KRT12: variants seen among roughly 807,000 people sequenced by gnomAD.
KRT12 encodes keratin 12, also known as keratin, type I cytoskeletal 12.
KRT12 carries 43 observed loss-of-function variants against 50.2 expected under a neutral mutation model. The observed-to-expected ratio is 0.86, with a 90% CI of 0.67 to 1.11. KRT12 has a LOEUF of 1.11. Ranked by LOEUF, KRT12 falls within the 50% of genes least tolerant of loss-of-function variation. KRT12 has a pLI of 0.00. For missense variants in KRT12, 588 were observed against 625.6 expected (o/e 0.94, Z 0.64); for synonymous variants, 257 against 253.6 (o/e 1.01, Z -0.13).
chr17:40,866,551 C>T lies in KRT12; in HGVS notation c.567+69G>A, dbSNP rs544563435. The T allele has an allele frequency of 5.8e-5, 75 of 1,303,940 alleles. No individual in the cohort carries two copies. In the South Asian group the frequency reaches 8.9e-4, roughly 15 times the overall value. The allele number at this position is 1,303,940 out of a possible 1,614,324, so 80.8% of individuals were successfully genotyped here. ...AAATATCAAAGTTGTAGGTGATTATCACTGTAAAACATTGTAATGGTAAAA... is the reference window on the plus strand; with the variant it reads ...AAATATCAAAGTTGTAGGTGATTATTACTGTAAAACATTGTAATGGTAAAA... On this transcript the variant is annotated intron_variant, in intron 1 of 7. Coordinates refer to ENST00000251643, the MANE Select transcript of KRT12 (RefSeq NM_000223.4).
rs746755967 is a variant in KRT12 at position 40,867,075 on chromosome 17, C to G, written c.112G>C (p.Val38Leu). ...GRPRGMSASS[V>L]GSGYGGSAFG... ...GCACTTCCCCCATAACCACTTCCAA[C>G]ACTGGAAGCAGACATGCCCCTGGGT... The change falls in exon 1 of 8, where the codon GTT becomes CTT. Residue 38 changes from valine (V) to leucine (L), a missense_variant. Coordinates refer to ENST00000251643, the MANE Select transcript of KRT12 (RefSeq NM_000223.4). The G allele has an allele frequency of 7.4e-6, 12 of 1,613,316 alleles. No homozygotes were observed. Among genetic ancestry groups the G allele is most frequent in the Non-Finnish European group, 1.0e-5 (12 of 1,179,590 alleles).
In KRT12 at chr17:40,861,587, T is replaced by C; in HGVS notation, c.*74A>G. On this transcript the variant is annotated 3_prime_UTR_variant, in exon 8 of 8. Coordinates refer to ENST00000251643, the MANE Select transcript of KRT12 (RefSeq NM_000223.4). The stretch of plus-strand genomic sequence containing the variant: ...GGATTGAAGTAATACAGCATGTTAC[T>C]CTGAAAGGAATAATTTCTACTTGTA... 1 of 941,644 alleles carries C rather than the reference T, an allele frequency of 1.1e-6. No individual in the cohort carries two copies. Among genetic ancestry groups the C allele is most frequent in the Non-Finnish European group, 1.8e-6 (1 of 569,094 alleles). 58.3% of individuals were successfully genotyped at this position (941,644 alleles called of 1,614,324 possible). A position where few individuals can be genotyped will look rare whatever the true frequency, so the allele number is the denominator to read the frequency against.
chr17:40,867,092 C>A lies in KRT12; in HGVS notation c.95G>T (p.Gly32Val). The A allele has an allele frequency of 1.2e-6, 2 of 1,613,894 alleles. No individual in the cohort carries two copies. Among genetic ancestry groups the A allele is most frequent in the Non-Finnish European group, 1.7e-6 (2 of 1,179,898 alleles). ...SSQSVIGRPR[G>V]MSASSVGSGY... ...ACTTCCAACACTGGAAGCAGACATG[C>A]CCCTGGGTCTGCCTATCACACTCTG... Residue 32 changes from glycine (G) to valine (V), a missense_variant, in exon 1 of 8, where the codon GGC becomes GTC. Coordinates refer to ENST00000251643, the MANE Select transcript of KRT12 (RefSeq NM_000223.4).
intron 7 of KRT12, 30 bp downstream of exon 7, chr17:40,862,530 GACTTA>G (rs1567737877): frequency 2.7e-6 from 4 of 1,455,654 alleles, no homozygotes; most frequent in Non-Finnish European, 3.9e-6. Flanking sequence ...ATGTGATTCC[GACTTA>G]TTCTAAGTGA....
At position 40,866,458 on chromosome 17, in the gene KRT12, T is replaced by C. The variant is rs116614191; in HGVS notation, c.567+162A>G. 4.5e-3 allele frequency among the ~76,000 whole-genome samples: 692 copies of C among 152,304 alleles called. 5 individuals are homozygous for C. Among genetic ancestry groups the C allele is most frequent in the African/African-American group, 0.016 (657 of 41,550 alleles). ...AGATAATGGAAATACAATCATTTCT[T>C]AGTAAATGATAAAGTGGAGTGAAAC... On this transcript the variant is annotated intron_variant, in intron 1 of 7. Coordinates refer to ENST00000251643, the MANE Select transcript of KRT12 (RefSeq NM_000223.4).
chr17:40,867,182 T>C lies in KRT12; in HGVS notation c.5A>G (p.Asp2Gly), dbSNP rs772315405. The C allele has an allele frequency of 6.2e-7, 1 of 1,605,260 alleles. No individual in the cohort carries two copies. Among genetic ancestry groups the C allele is most frequent in the Non-Finnish European group, 8.5e-7 (1 of 1,179,932 alleles). The change falls in exon 1 of 8, where the codon GAT becomes GGT. Residue 2 changes from aspartate to glycine, a missense_variant. Physicochemically the swap from Asp to Gly is moderately conservative, Grantham distance 94. Transcript: ENST00000251643. ...GAGTGACATGGTGTTGTTGGAGAGA[T>C]CCATGGCCTGGGGAAGGTGGCCACA... M[D>G]LSNNTMSLSV... is the part of the protein sequence containing the mutation.
At position 40,861,525 on chromosome 17, in the gene KRT12, A is replaced by G. The variant is rs1906801696; in HGVS notation, c.*136T>C. The G allele has an allele frequency of 1.4e-6, 1 of 692,582 alleles. No individual in the cohort carries two copies. The highest frequency in any genetic ancestry group is 2.6e-6 in the Non-Finnish European group (1 of 378,164). 42.9% of individuals were successfully genotyped at this position (692,582 alleles called of 1,614,324 possible). A position where few individuals can be genotyped will look rare whatever the true frequency, so the allele number is the denominator to read the frequency against. ...GAAGGGCAAAAAGGATTCAATGTGA[A>G]TAGGGAATCCAAAGAAAATGGAACA... On this transcript the variant is annotated 3_prime_UTR_variant, in exon 8 of 8. Transcript: ENST00000251643.
At chr17:40,864,752 TG>T in intron 3 of KRT12, 53 bp downstream of exon 3, 2 of 1,542,100 alleles carry the variant, frequency 1.3e-6, no homozygotes, top group Non-Finnish European at 1.8e-6. Flanking sequence ...TTGTAATTTT[TG>T]GGTCTGGGAG....
At chr17:40,862,805 C>T (rs561887492) in intron 6 of KRT12, among the ~76,000 whole-genome samples, 170 bp from the exon 7 acceptor site, 2 of 152,194 alleles carry the variant, frequency 1.3e-5, no homozygotes, top group Non-Finnish European at 2.9e-5. Flanking sequence ...CAGGTGGCTA[C>T]TATGTGTCCT....
chr17:40,866,657 C>T lies in KRT12; in HGVS notation c.530G>A (p.Ser177Asn), dbSNP rs1247971668. ...GTADASQSDY[S>N]KYYPLIEDLR... ...GTCTTCAATCAGTGGATAATATTTG[C>T]TGTAATCGCTCTGTGAAGCATCTGC... Residue 177 changes from serine (S) to asparagine (N), a missense_variant, in exon 1 of 8, where the codon AGC (serine) becomes AAC (asparagine). Coordinates refer to ENST00000251643, the MANE Select transcript of KRT12 (RefSeq NM_000223.4). 2.5e-6 allele frequency: 4 copies of T among 1,614,096 alleles called. No individual in the cohort carries two copies. The South Asian group carries it at 4.4e-5, about 18-fold the overall frequency.
intron 7 of KRT12, 62 bp from the exon 8 acceptor site, chr17:40,861,820 G>T (rs1567737271): frequency 6.8e-6 from 7 of 1,030,554 alleles, no homozygotes; most frequent in Non-Finnish European, 1.1e-5. Context: ...TCCAACACTG[G>T]TTGTTTAATG....
At chr17:40,865,126 T>C (rs908764326) in intron 2 of KRT12, among the ~76,000 whole-genome samples, 164 bp from the exon 3 acceptor site, 12 of 152,344 alleles carry the variant, frequency 7.9e-5, no homozygotes, top group Non-Finnish European at 1.5e-4. Flanking sequence ...TTTCCTTTTT[T>C]CCCACCATTG....
At chr17:40,862,519 A>C (rs369580763) in intron 7 of KRT12, 46 bp downstream of exon 7, 1 of 1,322,148 alleles carries the variant, frequency 7.6e-7, no homozygotes, top group Non-Finnish European at 1.1e-6. Flanking sequence ...TGCATTAATA[A>C]ATGTGATTCC....
rs1188845372 is a variant in KRT12, at chr17:40,863,177, C to A, written c.1262G>T (p.Arg421Leu). ...DHQRLLNVKA[R>L]LELEIETYRR... is the part of the protein sequence containing the mutation. ...GTAGGTCTCAATCTCCAGCTCCAGGCGGGCCTTGACATTCAGCAGCCGCTG... is the reference window on the plus strand; with the variant it reads ...GTAGGTCTCAATCTCCAGCTCCAGGAGGGCCTTGACATTCAGCAGCCGCTG... The change falls in exon 6 of 8, where the codon CGC becomes CTC. Residue 421 changes from arginine (R) to leucine (L), a missense_variant. Coordinates refer to ENST00000251643, the MANE Select transcript of KRT12 (RefSeq NM_000223.4). This position sits in a 1 kb window ranked among gnomAD's most constrained non-coding sequence, Gnocchi z 4.2. The A allele has an allele frequency of 3.1e-6, 5 of 1,613,994 alleles. No homozygotes were observed. Among genetic ancestry groups the A allele is most frequent in the East Asian group, 2.2e-5 (1 of 44,896 alleles).
chr17:40,863,825 T>C lies in KRT12; in HGVS notation c.847A>G (p.Ser283Gly). 1 of 1,610,838 alleles carries C rather than the reference T, an allele frequency of 6.2e-7. No individual in the cohort carries two copies. Among genetic ancestry groups the C allele is most frequent in the South Asian group, 1.1e-5 (1 of 90,974 alleles). Residue 283 changes from serine (S) to glycine (G), a missense_variant, in exon 4 of 8, where the codon AGC (serine) becomes GGC (glycine). Coordinates refer to ENST00000251643, the MANE Select transcript of KRT12 (RefSeq NM_000223.4). The surrounding 1 kb of genome is among the most constrained non-coding windows in gnomAD (Gnocchi z 4.2). ...SFRVGGPGEV[S>G]VEMDAAPGVD... ...CCGGGGGCAGCGTCCATTTCTACGC[T>C]GACCTCGCCTGGGCCGCCCACCCGG...
At chr17:40,862,282 A>T (rs1906831000) in intron 7 of KRT12, among the ~76,000 whole-genome samples, 1 of 152,062 alleles carries the variant, frequency 6.6e-6, no homozygotes, top group Non-Finnish European at 1.5e-5. Context: ...CTATTTGCCC[A>T]GGTGGGTCAC....
chr17:40,864,838 C>T lies in KRT12; in HGVS notation c.775G>A (p.Glu259Lys), dbSNP rs1397375491. The change falls in exon 3 of 8, where the codon GAG (glutamate) becomes AAG (lysine). Residue 259 changes from glutamate (E) to lysine (K), a missense_variant. Glu to Lys is a moderately conservative substitution (Grantham distance 56). Transcript: ENST00000251643. ...LEMQIESLNEELAYMKKNHED... is the reference protein window; with the variant it reads ...LEMQIESLNEKLAYMKKNHED... Reference sequence around the variant, plus strand: ...TGGTTCTTCTTCATGTAGGCCAGCTCCTCGTTCAGGCTCTCGATCTGCATC... The same window carrying T: ...TGGTTCTTCTTCATGTAGGCCAGCTTCTCGTTCAGGCTCTCGATCTGCATC... 3.1e-6 allele frequency: 5 copies of T among 1,614,104 alleles called. No individual in the cohort carries two copies. The highest frequency in any genetic ancestry group is 1.3e-5 in the African/African-American group (1 of 74,918).
At position 40,867,131 on chromosome 17, in the gene KRT12, C is replaced by T. The variant is rs1308897791; in HGVS notation, c.56G>A (p.Arg19Gln). Residue 19 changes from arginine to glutamine, a missense_variant, in exon 1 of 8, where the codon CGG (arginine) becomes CAG (glutamine). Coordinates refer to ENST00000251643, the MANE Select transcript of KRT12 (RefSeq NM_000223.4). ...SLSVRTPGLS[R>Q]RLSSQSVIGR... ...TATCACACTCTGCGAGGAGAGCCGCCGGGACAGTCCGGGGGTGCGCACTGA... is the reference window on the plus strand; with the variant it reads ...TATCACACTCTGCGAGGAGAGCCGCTGGGACAGTCCGGGGGTGCGCACTGA... The T allele has an allele frequency of 1.2e-5, 20 of 1,612,466 alleles. No individual in the cohort carries two copies. Among genetic ancestry groups the T allele is most frequent in the Non-Finnish European group, 1.7e-5 (20 of 1,180,010 alleles).
rs1399888744 is a variant in KRT12, at chr17:40,861,498, C to G, written c.*163G>C. The G allele has an allele frequency of 9.4e-6, 6 of 636,618 alleles. No homozygotes were observed. In the East Asian group the frequency reaches 1.6e-4, roughly 17 times the overall value. 39.4% of individuals were successfully genotyped at this position (636,618 alleles called of 1,614,324 possible). A position where few individuals can be genotyped will look rare whatever the true frequency, so the allele number is the denominator to read the frequency against. On this transcript the variant is annotated 3_prime_UTR_variant, in exon 8 of 8. Transcript: ENST00000251643. ...AATGACTTGTGACTGAATATTGTTTCAGAAGGGCAAAAAGGATTCAATGTG... is the reference window on the plus strand; with the variant it reads ...AATGACTTGTGACTGAATATTGTTTGAGAAGGGCAAAAAGGATTCAATGTG...
Sources: gnomAD v4.1 joint callset for allele counts (sites outside exome capture counted in the v4.1 genomes callset) on GRCh38, gnomAD v4.1.1 for gene constraint, Gnocchi (gnomAD v3.1) non-coding constraint, MANE v1.5 for transcripts, NCBI Gene and HGNC (gene_info 2026-07-23, HGNC 2026-07-21) for gene names.